CSMD1: variants seen among roughly 807,000 people sequenced by gnomAD.
CSMD1 encodes CUB and Sushi multiple domains 1, also known as CUB and sushi domain-containing protein 1.
A neutral mutation model predicts 417.5 loss-of-function variants in CSMD1; 213 were observed. The ratio of observed to expected loss-of-function variants is 0.51; its 90% CI spans 0.46 to 0.57. The LOEUF is 0.57. Ranked by LOEUF, CSMD1 falls within the 20% of genes least tolerant of loss-of-function variation. The pLI is 0.00. For synonymous variants in CSMD1, 2,862 were observed against 1,736.8 expected, an observed-to-expected ratio of 1.65 and a Z score of -16.11; for missense variants, 6,923 against 4,529.7, an observed-to-expected ratio of 1.53 and a Z score of -15.17.
intron 10 of CSMD1, among the ~76,000 whole-genome samples, chr8:3,507,471 G>A (rs1053177667): frequency 6.6e-6 from 1 of 152,280 alleles, no homozygotes; most frequent in African/African-American, 2.4e-5. Flanking sequence ...ACATACGTGT[G>A]CATGTGTCTT....
At chr8:3,284,560 G>C (rs1803001631) in intron 25 of CSMD1, 4 of 556,636 alleles carry the variant, frequency 7.2e-6, no homozygotes, top group African/African-American at 3.8e-5. Flanking sequence ...ACCTCAGTCT[G>C]TCATGGACGC....
chr8:4,628,447 C>T (rs112521929), intron 2 of CSMD1, among the ~76,000 whole-genome samples: 1 of 106,444 alleles, frequency 9.4e-6, no homozygotes, highest in Non-Finnish European at 2.0e-5. Flanking sequence ...CACATATATA[C>T]ACATATACAT....
chr8:4,118,207 A>C (rs900270955), intron 3 of CSMD1, among the ~76,000 whole-genome samples: 4 of 152,144 alleles, frequency 2.6e-5, no homozygotes, highest in African/African-American at 9.7e-5. Flanking sequence ...TATTAATATT[A>C]AAAACTAAAT....
Position 3,291,774 on chromosome 8 carries a change from T to G in CSMD1, c.3951-7428A>C, listed in dbSNP as rs544471283. ...CAGTTTTGTTGATCTGTCCAAAAAGTCAGCTCCTGGATTCATTGACTTTTT... is the reference window on the plus strand; with the variant it reads ...CAGTTTTGTTGATCTGTCCAAAAAGGCAGCTCCTGGATTCATTGACTTTTT... On this transcript the variant is annotated intron_variant, in intron 25 of 69. Coordinates refer to ENST00000635120, the MANE Select transcript of CSMD1 (RefSeq NM_033225.6). Among the ~76,000 whole-genome samples, 38 of 151,938 alleles carry G rather than the reference T, an allele frequency of 2.5e-4. 2 individuals carry two copies. The South Asian group carries it at 7.5e-3, about 30-fold the overall frequency.
chr8:3,809,122 C>A lies in CSMD1; in HGVS notation c.819-55080G>T, dbSNP rs534691200. Among the ~76,000 whole-genome samples the A allele has an allele frequency of 3.9e-5, 6 of 152,270 alleles. No individual in the cohort carries two copies. The East Asian group carries it at 9.7e-4, about 25-fold the overall frequency. ...TGCCACCGGGCACATGCTCTGCCCTCTATTGGGAATATCTTCCTCTTTCCC... is the reference window on the plus strand; with the variant it reads ...TGCCACCGGGCACATGCTCTGCCCTATATTGGGAATATCTTCCTCTTTCCC... On this transcript the variant is annotated intron_variant, in intron 5 of 69. Transcript: ENST00000635120.
At chr8:4,867,602 T>G (rs1316993815) in intron 1 of CSMD1, among the ~76,000 whole-genome samples, 1 of 152,098 alleles carries the variant, frequency 6.6e-6, no homozygotes, top group Non-Finnish European at 1.5e-5. Flanking sequence ...CGCTGTATTT[T>G]TGTATCACCT....
chr8:4,219,712 G>T (rs1023054945), intron 3 of CSMD1, among the ~76,000 whole-genome samples: 1 of 152,010 alleles, frequency 6.6e-6, no homozygotes, highest in Non-Finnish European at 1.5e-5. Context: ...ATTATTTTGG[G>T]GACTGTCTTC....
chr8:4,387,789 C>T (rs11136740), intron 3 of CSMD1, among the ~76,000 whole-genome samples: 80,457 of 151,784 alleles, frequency 0.53, 22,285 homozygotes, highest in Non-Finnish European at 0.62. Flanking sequence ...ATTAACAAGA[C>T]GGATTTTGAA....
chr8:3,684,548 T>C (rs1354587910), intron 7 of CSMD1, among the ~76,000 whole-genome samples: 2 of 151,478 alleles, frequency 1.3e-5, no homozygotes, highest in African/African-American at 2.4e-5. Context: ...AATGGCACTG[T>C]CTTTCTATAT....
At chr8:4,425,522 T>A (rs1205941810) in intron 2 of CSMD1, among the ~76,000 whole-genome samples, 1 of 152,044 alleles carries the variant, frequency 6.6e-6, no homozygotes, top group Non-Finnish European at 1.5e-5. Context: ...TGGCTGCGAG[T>A]AAGGAATCTT....
intron 3 of CSMD1, among the ~76,000 whole-genome samples, chr8:4,063,644 G>C (rs890935093): frequency 1.3e-5 from 2 of 152,192 alleles, no homozygotes; most frequent in Non-Finnish European, 2.9e-5. Flanking sequence ...GACACATCAG[G>C]TGCTGCCTCC....
chr8:4,585,792 A>C (rs1243457445), intron 2 of CSMD1, among the ~76,000 whole-genome samples: 1 of 152,230 alleles, frequency 6.6e-6, no homozygotes, highest in Non-Finnish European at 1.5e-5. Flanking sequence ...AGACATTTTA[A>C]GTTAAATTAA....
intron 3 of CSMD1, among the ~76,000 whole-genome samples, chr8:4,259,090 G>C (rs928934663): frequency 6.6e-6 from 1 of 152,100 alleles, no homozygotes; most frequent in Non-Finnish European, 1.5e-5. Context: ...TTTTGATGTA[G>C]CATTTACCTC....
Position 2,966,731 on chromosome 8 carries a change from T to C in CSMD1, c.8939A>G (p.Asn2980Ser). 1.2e-6 allele frequency: 2 copies of C among 1,613,328 alleles called. No homozygotes were observed. The highest frequency in any genetic ancestry group is 1.7e-6 in the Non-Finnish European group (2 of 1,179,696). The change falls in exon 58 of 70, where the codon AAC becomes AGC. Residue 2980 changes from asparagine to serine, a missense_variant. Physicochemically the swap from Asn to Ser is conservative, Grantham distance 46. Transcript: ENST00000635120. Reference sequence around the variant, plus strand: ...CATTCCGTTGGTGGGTGTGCCAGGGTTGCCACAGGACACGGCTGTTAGGCA... The same window carrying C: ...CATTCCGTTGGTGGGTGTGCCAGGGCTGCCACAGGACACGGCTGTTAGGCA... Reference protein sequence around the residue: ...QPVCEAVSCGNPGTPTNGMIV... With the variant: ...QPVCEAVSCGSPGTPTNGMIV...
intron 1 of CSMD1, among the ~76,000 whole-genome samples, chr8:4,799,873 T>A (rs1351832872): frequency 6.6e-6 from 1 of 152,046 alleles, no homozygotes; most frequent in Non-Finnish European, 1.5e-5. Context: ...AAGAAAGTAC[T>A]CAAACATTCA....
chr8:3,273,399 TG>T (rs1483429179), intron 26 of CSMD1, among the ~76,000 whole-genome samples: 5 of 152,126 alleles, frequency 3.3e-5, no homozygotes, highest in African/African-American at 1.2e-4. Context: ...TTCTCTTTTT[TG>T]GTTGTGTCTC....
In CSMD1 at chr8:2,940,459, T is replaced by C. The variant is rs188376556; in HGVS notation, c.10536-1715A>G. 1.2e-4 allele frequency among the ~76,000 whole-genome samples: 18 copies of C among 152,226 alleles called. No individual in the cohort carries two copies. The East Asian group carries it at 3.5e-3, about 29-fold the overall frequency. ...GGAGTCCAGTTGTGATGACGACAGA[T>C]TCCCCACCGACCCAGAGGAGGCATC... On this transcript the variant is annotated intron_variant, in intron 69 of 69. Coordinates refer to ENST00000635120, the MANE Select transcript of CSMD1 (RefSeq NM_033225.6).
At position 2,937,455 on chromosome 8, in the gene CSMD1, A is replaced by AAC. The variant is rs1554466116; in HGVS notation, c.*1129_*1130insGT. On this transcript the variant is annotated 3_prime_UTR_variant, in exon 70 of 70. Coordinates refer to ENST00000635120, the MANE Select transcript of CSMD1 (RefSeq NM_033225.6). Reference sequence around the variant, plus strand: ...TAAAAGACAAAAAAAAAAAAAAACAAAAAAAAAACACTGCAAAAGGGAAGG... The same window carrying AAC: ...TAAAAGACAAAAAAAAAAAAAAACAAACAAAAAAAACACTGCAAAAGGGAAGG... The AAC allele has an allele frequency of 1.8e-4, 7 of 38,424 alleles. No individual in the cohort carries two copies. The highest frequency in any genetic ancestry group is 5.7e-4 in the Admixed American group (2 of 3,506). The allele number at this position is 38,424 out of a possible 1,614,324, so 2.4% of individuals were successfully genotyped here.
intron 5 of CSMD1, among the ~76,000 whole-genome samples, chr8:3,983,642 G>C (rs368355878): frequency 3.3e-5 from 5 of 152,158 alleles, no homozygotes; most frequent in African/African-American, 1.2e-4. Context: ...CATAGCCCAC[G>C]TGTATCATGA....
Sources: allele counts gnomAD v4.1 joint callset (sites outside exome capture counted in the v4.1 genomes callset), GRCh38; gene constraint gnomAD v4.1.1; transcripts MANE v1.5; gene names NCBI Gene and HGNC (gene_info 2026-07-23, HGNC 2026-07-21).